The following PALLD variants were observed in gnomAD, a reference collection of about 807,000 sequenced individuals.
The protein encoded by PALLD is palladin, cytoskeletal associated protein.
In PALLD, 61 loss-of-function variants were observed where a neutral mutation model predicts 123.5. The observed-to-expected ratio is 0.49, with a 90% CI of 0.40 to 0.61. The LOEUF (loss-of-function observed/expected upper bound fraction) is 0.61, where lower values mean the gene tolerates loss of function less well. Among genes scored for constraint, PALLD ranks in the 20% least tolerant of loss-of-function variants. PALLD has a pLI of 0.00. For synonymous variants in PALLD, 465 were observed against 496.4 expected (o/e 0.94, Z 0.84); for missense variants, 1,273 against 1,377.0 (o/e 0.92, Z 1.20).
intron 10 of PALLD, among the ~76,000 whole-genome samples, chr4:168,857,875 A>G (rs1012847209): frequency 6.6e-6 from 1 of 152,220 alleles, no homozygotes; most frequent in African/African-American, 2.4e-5. Context: ...ATCCAAAAAT[A>G]TATAGAAAGC....
At chr4:168,725,900 A>G (rs962240215) in intron 10 of PALLD, among the ~76,000 whole-genome samples, 3 of 152,198 alleles carry the variant, frequency 2.0e-5, no homozygotes, top group African/African-American at 7.2e-5. Flanking sequence ...TCTTCCAAAC[A>G]GTGCTAGTTA....
At chr4:168,559,340 A>C (rs1455122049) in intron 2 of PALLD, among the ~76,000 whole-genome samples, 1 of 152,214 alleles carries the variant, frequency 6.6e-6, no homozygotes, top group African/African-American at 2.4e-5. Flanking sequence ...GCTGAAAAGA[A>C]GGATCATTAA....
intron 17 of PALLD, among the ~76,000 whole-genome samples, chr4:168,920,797 A>T (rs1761319474): frequency 6.6e-6 from 1 of 152,212 alleles, no homozygotes; most frequent in Non-Finnish European, 1.5e-5. Context: ...CTGTGTGCTG[A>T]CGAATGCATT....
chr4:168,887,367 G>T (rs2151173942), intron 10 of PALLD, among the ~76,000 whole-genome samples: 1 of 152,232 alleles, frequency 6.6e-6, no homozygotes, highest in East Asian at 1.9e-4. Context: ...TTGTCCAAGG[G>T]AACTTGTGGC....
chr4:168,580,460 C>G (rs889280018), intron 2 of PALLD, among the ~76,000 whole-genome samples: 1 of 151,876 alleles, frequency 6.6e-6, no homozygotes, highest in Non-Finnish European at 1.5e-5. Context: ...GCTACTATAA[C>G]AGACAAAAAA....
chr4:168,511,476 G>A lies in PALLD; in HGVS notation c.-29G>A. ...GCCTCTGGCCTTCCTACTGAAAGCA[G>A]ACACAGAGTGCATGAAGACCGTTCA... On this transcript the variant is annotated 5_prime_UTR_variant, in exon 2 of 22. Coordinates refer to ENST00000505667, the MANE Select transcript of PALLD (RefSeq NM_001166108.2). 7 of 1,577,490 alleles carry A rather than the reference G, an allele frequency of 4.4e-6. No individual in the cohort carries two copies. Among genetic ancestry groups the A allele is most frequent in the Non-Finnish European group, 6.1e-6 (7 of 1,147,428 alleles).
chr4:168,669,823 C>G (rs1176165218), intron 3 of PALLD, among the ~76,000 whole-genome samples: 1 of 151,614 alleles, frequency 6.6e-6, no homozygotes, highest in Non-Finnish European at 1.5e-5. Context: ...CACACACACA[C>G]AATCATTTAT....
Position 168,921,604 on chromosome 4 carries a change from A to C in PALLD, c.2921A>C (p.His974Pro). The C allele has an allele frequency of 6.2e-7, 1 of 1,610,784 alleles. No individual in the cohort carries two copies. Among genetic ancestry groups the C allele is most frequent in the Non-Finnish European group, 8.5e-7 (1 of 1,179,540 alleles). Residue 974 changes from histidine (H) to proline (P), a missense_variant, in exon 18 of 22, where the codon CAC becomes CCC. Coordinates refer to ENST00000505667, the MANE Select transcript of PALLD (RefSeq NM_001166108.2). ...DGKPVRPDSA[H>P]KMLVRENGVH... ...AAGCCCGTACGCCCTGACAGTGCTC[A>C]CAAGATGCTGGTGCGTGAGAACGGG... is the stretch of plus-strand genomic sequence containing the variant.
intron 2 of PALLD, among the ~76,000 whole-genome samples, chr4:168,617,716 A>C (rs910087050): frequency 6.6e-5 from 10 of 152,232 alleles, no homozygotes; most frequent in African/African-American, 2.4e-4. Flanking sequence ...GAGGAGACTT[A>C]GAAAACCAAC....
intron 2 of PALLD, among the ~76,000 whole-genome samples, chr4:168,532,358 G>A (rs887843667): frequency 6.6e-6 from 1 of 152,114 alleles, no homozygotes; most frequent in African/African-American, 2.4e-5. Context: ...GTCATCCTAA[G>A]TCTTCATTCA....
At chr4:168,718,654 T>C (rs113252694) in intron 10 of PALLD, among the ~76,000 whole-genome samples, 2 of 152,350 alleles carry the variant, frequency 1.3e-5, no homozygotes, top group African/African-American at 4.8e-5. Flanking sequence ...TGTCACTGTC[T>C]TGTGTATCCT....
intron 13 of PALLD, chr4:168,898,289 G>A (rs904572129): frequency 3.3e-6 from 2 of 597,578 alleles, no homozygotes; most frequent in African/African-American, 3.7e-5. Flanking sequence ...TGGATGATAG[G>A]ACTTGAAGAC....
rs535000727 is a variant in PALLD, at chr4:168,753,465, G to A, written c.1964+41542G>A. ...AGAAGAATGAACCCATACCAACTCC[G>A]CCCTAGCCAGCATTCAAGATGGCCC... On this transcript the variant is annotated intron_variant, in intron 10 of 21. Transcript: ENST00000505667. 4.7e-5 allele frequency among the ~76,000 whole-genome samples: 7 copies of A among 150,210 alleles called. No homozygotes were observed. The South Asian group carries it at 6.4e-4, about 14-fold the overall frequency.
chr4:168,726,977 T>G (rs1786655112), intron 10 of PALLD, among the ~76,000 whole-genome samples: 1 of 152,208 alleles, frequency 6.6e-6, no homozygotes, highest in South Asian at 2.1e-4. Flanking sequence ...ACATGCAGTA[T>G]TTGGTTTTCC....
At position 168,928,000 on chromosome 4, in the gene PALLD, CCATATATTT is replaced by C. The variant is rs1762771352; in HGVS notation, c.*1826_*1834del. On this transcript the variant is annotated 3_prime_UTR_variant, in exon 22 of 22. Transcript: ENST00000505667. ...AATAATTTTATATCTGTGTACCACC[CCATATATTT>C]CATATTACTGTTTCACATGTACAGC... The C allele has an allele frequency of 5.1e-6, 1 of 194,856 alleles. No homozygotes were observed. The highest frequency in any genetic ancestry group is 1.1e-5 in the Non-Finnish European group (1 of 93,518). 12.1% of individuals were successfully genotyped at this position (194,856 alleles called of 1,614,324 possible).
intron 15 of PALLD, among the ~76,000 whole-genome samples, chr4:168,911,048 T>C (rs566793998): frequency 6.6e-6 from 1 of 152,306 alleles, no homozygotes; most frequent in African/African-American, 2.4e-5. Flanking sequence ...ATAATGATAA[T>C]TTATGATGTC....
At chr4:168,666,335 T>A (rs1042202071) in intron 2 of PALLD, among the ~76,000 whole-genome samples, 6 of 152,212 alleles carry the variant, frequency 3.9e-5, no homozygotes, top group Non-Finnish European at 8.8e-5. Flanking sequence ...CAGACTCAAC[T>A]AGTTTCAGAG....
In PALLD at chr4:168,668,379, G is replaced by C. The variant is rs1339599929; in HGVS notation, c.1087+11G>C. 1 of 1,591,026 alleles carries C rather than the reference G, an allele frequency of 6.3e-7. No individual in the cohort carries two copies. Among genetic ancestry groups the C allele is most frequent in the East Asian group, 2.2e-5 (1 of 44,542 alleles). ...AGGTGTTCATTGAAGGTAAGGAGGG[G>C]TGCCTGGTAATGGGGGATAAAGGGG... is the stretch of plus-strand genomic sequence containing the variant. On this transcript the variant is annotated intron_variant, in intron 3 of 21. Transcript: ENST00000505667.
At chr4:168,631,676 C>T (rs1775825294) in intron 2 of PALLD, 1 of 985,362 alleles carries the variant, frequency 1.0e-6, no homozygotes, top group African/African-American at 1.7e-5. Context: ...GCTGCGCCGC[C>T]AGGAGGCTTC....
Sources: allele counts gnomAD v4.1 joint callset (sites outside exome capture counted in the v4.1 genomes callset), GRCh38; gene constraint gnomAD v4.1.1; transcripts MANE v1.5; gene names NCBI Gene and HGNC (gene_info 2026-07-23, HGNC 2026-07-21).